Variants in RUNX1 observed in about 807,000 individuals in gnomAD.
RUNX1 encodes the protein runt-related transcription factor 1.
Under a neutral mutation model 42.8 loss-of-function variants are expected in RUNX1, and 19 were observed. The observed-to-expected ratio is 0.44, with a 90% CI of 0.31 to 0.65. RUNX1 has a LOEUF of 0.65. Ranked by LOEUF, RUNX1 falls within the 30% of genes least tolerant of loss-of-function variation. The probability of loss-of-function intolerance (pLI) is 0.07; values close to 1 mark genes in which losing one functional copy is unlikely to be tolerated. For synonymous variants in RUNX1, 271 were observed against 289.4 expected, an observed-to-expected ratio of 0.94 and a Z score of 0.64; for missense variants, 528 against 672.0, an observed-to-expected ratio of 0.79 and a Z score of 2.37.
At chr21:34,918,128 A>AG (rs55813936) in intron 2 of RUNX1, among the ~76,000 whole-genome samples, 1 of 46,306 alleles carries the variant, frequency 2.2e-5, no homozygotes, top group Non-Finnish European at 5.1e-5. Context: ...ACTCTGTCTC[A>AG]AAAAAAAAAA....
chr21:34,848,681 C>T (rs867288834), intron 6 of RUNX1, among the ~76,000 whole-genome samples: 1 of 152,274 alleles, frequency 6.6e-6, no homozygotes, highest in East Asian at 1.9e-4. Flanking sequence ...GTAATCGGCC[C>T]ACCTCGGGCT....
intron 2 of RUNX1, among the ~76,000 whole-genome samples, chr21:34,993,404 C>T (rs1464929614): frequency 6.6e-6 from 1 of 152,140 alleles, no homozygotes; most frequent in African/African-American, 2.4e-5. Context: ...TCCTAGGAAC[C>T]TCAGGGACTT....
intron 7 of RUNX1, among the ~76,000 whole-genome samples, chr21:34,805,127 G>T (rs2056661564): frequency 6.6e-6 from 1 of 152,070 alleles, no homozygotes; most frequent in South Asian, 2.1e-4. Flanking sequence ...GGCTTACTTA[G>T]TAGACAGAAC....
chr21:34,867,870 C>T (rs1205177192), intron 5 of RUNX1, among the ~76,000 whole-genome samples: 1 of 152,184 alleles, frequency 6.6e-6, no homozygotes, highest in Admixed American at 6.5e-5. Flanking sequence ...CCAGTCTTCA[C>T]TCATCCATCA....
chr21:34,991,288 T>C (rs1198186003), intron 2 of RUNX1, among the ~76,000 whole-genome samples: 1 of 150,546 alleles, frequency 6.6e-6, no homozygotes, highest in Non-Finnish European at 1.5e-5. Context: ...CTCTCTTCCC[T>C]TGGCTAGATA....
intron 2 of RUNX1, among the ~76,000 whole-genome samples, chr21:35,005,257 C>A (rs539336853): frequency 6.6e-6 from 1 of 152,040 alleles, no homozygotes; most frequent in Non-Finnish European, 1.5e-5. Flanking sequence ...GCATTTTACT[C>A]AGTAAAGACC....
At chr21:34,878,379 A>T (rs2057848073) in intron 5 of RUNX1, among the ~76,000 whole-genome samples, 1 of 150,394 alleles carries the variant, frequency 6.6e-6, no homozygotes, top group South Asian at 2.1e-4. Context: ...ATATATATAC[A>T]CACACACATA....
chr21:34,949,937 G>A, intron 2 of RUNX1, among the ~76,000 whole-genome samples: 1 of 152,220 alleles, frequency 6.6e-6, no homozygotes, highest in East Asian at 1.9e-4. Context: ...GGATGATGGG[G>A]CTTTGACATC....
At chr21:34,985,281 C>A (rs1283074535) in intron 2 of RUNX1, among the ~76,000 whole-genome samples, 2 of 152,166 alleles carry the variant, frequency 1.3e-5, no homozygotes, top group Non-Finnish European at 2.9e-5. Flanking sequence ...TAATAGGCTG[C>A]CAGCAGGACC....
intron 6 of RUNX1, among the ~76,000 whole-genome samples, chr21:34,844,521 C>T (rs541913414): frequency 2.6e-5 from 4 of 152,248 alleles, no homozygotes; most frequent in East Asian, 3.9e-4. Flanking sequence ...TGGACAGGAC[C>T]GAGGTAAAGG....
intron 2 of RUNX1, among the ~76,000 whole-genome samples, chr21:34,998,384 C>T (rs572141003): frequency 6.6e-6 from 1 of 152,062 alleles, no homozygotes; most frequent in East Asian, 1.9e-4. Flanking sequence ...AGCGACAGTT[C>T]CTGGCAACAT....
At chr21:35,015,166 G>T (rs1356698491) in intron 2 of RUNX1, among the ~76,000 whole-genome samples, 1 of 152,186 alleles carries the variant, frequency 6.6e-6, no homozygotes, top group African/African-American at 2.4e-5. Context: ...GAGATCCTGG[G>T]CACGTTCCTA....
chr21:34,859,643 A>G, intron 5 of RUNX1, 65 bp from the exon 6 acceptor site: 1 of 1,233,954 alleles, frequency 8.1e-7, no homozygotes, highest in Non-Finnish European at 1.2e-6. Flanking sequence ...CTGTTGAATA[A>G]CCAATCATTA....
intron 2 of RUNX1, among the ~76,000 whole-genome samples, chr21:34,903,549 T>G (rs1308571584): frequency 6.6e-6 from 1 of 152,190 alleles, no homozygotes; most frequent in African/African-American, 2.4e-5. Flanking sequence ...CTATTTGTTT[T>G]GGGACATAGA....
At chr21:34,870,201 G>A (rs1030130256) in intron 5 of RUNX1, among the ~76,000 whole-genome samples, 1 of 152,184 alleles carries the variant, frequency 6.6e-6, no homozygotes, top group Non-Finnish European at 1.5e-5. Context: ...TGTTGTTGCT[G>A]TTTGCTGTTG....
Position 34,997,187 on chromosome 21 carries a change from G to T in RUNX1, c.58+51655C>A, listed in dbSNP as rs142817734. Among the ~76,000 whole-genome samples, 28 of 152,302 alleles carry T rather than the reference G, an allele frequency of 1.8e-4. No individual in the cohort carries two copies. In the East Asian group the frequency reaches 5.4e-3, roughly 29 times the overall value. ...AAAAGCATGAATGAAATCTTTAAAT[G>T]AACAACTGAAATAAAATCATGATTT... On this transcript the variant is annotated intron_variant, in intron 2 of 8. Coordinates refer to ENST00000675419, the MANE Select transcript of RUNX1 (RefSeq NM_001754.5).
chr21:34,834,634 G>A lies in RUNX1; in HGVS notation c.614-33C>T, dbSNP rs753469063. The A allele has an allele frequency of 3.5e-6, 4 of 1,139,476 alleles. 1 individual carries two copies. Among genetic ancestry groups the A allele is most frequent in the Non-Finnish European group, 5.2e-6 (4 of 769,852 alleles). The allele number at this position is 1,139,476 out of a possible 1,614,324, so 70.6% of individuals were successfully genotyped here. A position where few individuals can be genotyped will look rare whatever the true frequency, so the allele number is the denominator to read the frequency against. On this transcript the variant is annotated intron_variant, in intron 6 of 8. Transcript: ENST00000675419. ...GGGGAGCAGGGAGGGGAGGGGATGG[G>A]GGGAGGGAAGGAGGGAGGGAAGAGA...
rs185980545 is a variant in RUNX1 at position 34,874,901 on chromosome 21, T to C, written c.508+5656A>G. ...AAAATCACTCAACCATTATTTCTCT[T>C]GCAGGCACTTTCTGATTGATAGTCT... On this transcript the variant is annotated intron_variant, in intron 5 of 8. Coordinates refer to ENST00000675419, the MANE Select transcript of RUNX1 (RefSeq NM_001754.5). Among the ~76,000 whole-genome samples, 3 of 152,284 alleles carry C rather than the reference T, an allele frequency of 2.0e-5. No individual in the cohort carries two copies. In the East Asian group the frequency reaches 5.8e-4, roughly 29 times the overall value.
chr21:34,906,683 C>T (rs749254688), intron 2 of RUNX1, among the ~76,000 whole-genome samples: 1 of 152,176 alleles, frequency 6.6e-6, no homozygotes, highest in Non-Finnish European at 1.5e-5. Flanking sequence ...CTTCATAGTT[C>T]TCATTGAATA....
Sources: gnomAD v4.1 joint callset for allele counts (sites outside exome capture counted in the v4.1 genomes callset) on GRCh38, gnomAD v4.1.1 for gene constraint, MANE v1.5 for transcripts, NCBI Gene and HGNC (gene_info 2026-07-23, HGNC 2026-07-21) for gene names.